The following SMPD3 variants were observed in gnomAD, a reference collection of about 807,000 sequenced individuals.
SMPD3 encodes nSMase-2.
Under a neutral mutation model 55.7 loss-of-function variants are expected in SMPD3, and 21 were observed. That is an observed-to-expected ratio of 0.38 (90% CI 0.27 to 0.54). The LOEUF (loss-of-function observed/expected upper bound fraction) is 0.54, where lower values mean the gene tolerates loss of function less well. Among genes scored for constraint, SMPD3 ranks in the 20% least tolerant of loss-of-function variants. The pLI is 0.80. For synonymous variants in SMPD3, 457 were observed against 404.3 expected (o/e 1.13, Z -1.56); for missense variants, 842 against 899.6 (o/e 0.94, Z 0.82).
intron 1 of SMPD3, among the ~76,000 whole-genome samples, chr16:68,444,986 A>C (rs2090599101): frequency 6.6e-6 from 1 of 152,270 alleles, no homozygotes; most frequent in Non-Finnish European, 1.5e-5. Context: ...CAGAGCTCTT[A>C]GGATTTTGTG....
intron 1 of SMPD3, among the ~76,000 whole-genome samples, chr16:68,400,260 C>T (rs1039021829): frequency 2.6e-5 from 4 of 152,162 alleles, no homozygotes; most frequent in African/African-American, 7.2e-5. Context: ...TGTGGAGGTG[C>T]TGGAAGCTGT....
chr16:68,436,171 G>T (rs2090521611), intron 1 of SMPD3, among the ~76,000 whole-genome samples: 1 of 152,172 alleles, frequency 6.6e-6, no homozygotes, highest in South Asian at 2.1e-4. Flanking sequence ...CACCAGATTA[G>T]GAAACTGAGG....
chr16:68,418,296 C>G (rs192723102), intron 1 of SMPD3, among the ~76,000 whole-genome samples: 1 of 150,564 alleles, frequency 6.6e-6, no homozygotes, highest in Non-Finnish European at 1.5e-5. Flanking sequence ...CAAATACCCA[C>G]AAGAGAAATG....
chr16:68,388,433 G>A (rs1220392592), intron 1 of SMPD3, among the ~76,000 whole-genome samples: 1 of 152,174 alleles, frequency 6.6e-6, no homozygotes, highest in Admixed American at 6.5e-5. Flanking sequence ...CCAGGCCACA[G>A]GCTCACAAGC....
intron 1 of SMPD3, among the ~76,000 whole-genome samples, chr16:68,390,614 T>C (rs979136418): frequency 2.0e-5 from 3 of 152,252 alleles, no homozygotes; most frequent in Non-Finnish European, 4.4e-5. Context: ...TGAGCTGTGA[T>C]GGCGCCACTG....
At chr16:68,438,385 G>A (rs2031068717) in intron 1 of SMPD3, among the ~76,000 whole-genome samples, 1 of 152,214 alleles carries the variant, frequency 6.6e-6, no homozygotes, top group Non-Finnish European at 1.5e-5. Context: ...ATGCTCAACT[G>A]TGGTGCTACC....
chr16:68,365,915 G>C (rs1283932983), intron 3 of SMPD3, among the ~76,000 whole-genome samples: 1 of 152,202 alleles, frequency 6.6e-6, no homozygotes, highest in African/African-American at 2.4e-5. Context: ...GCAAGATGGA[G>C]CCCTTGTCAG....
At position 68,447,510 on chromosome 16, in the gene SMPD3, G is replaced by C. The variant is rs1034248889; in HGVS notation, c.-269+843C>G. Among the ~76,000 whole-genome samples the C allele has an allele frequency of 6.6e-6, 1 of 152,104 alleles. No homozygotes were observed. Among genetic ancestry groups the C allele is most frequent in the Non-Finnish European group, 1.5e-5 (1 of 67,984 alleles). Reference sequence around the variant, plus strand: ...GGGAGATAAGGCCCAGGTGGGGAGAGGTGGGGAGGGGTCCCTCCTGTCCTC... The same window carrying C: ...GGGAGATAAGGCCCAGGTGGGGAGACGTGGGGAGGGGTCCCTCCTGTCCTC... On this transcript the variant is annotated intron_variant, in intron 1 of 8. Coordinates refer to ENST00000219334, the MANE Select transcript of SMPD3 (RefSeq NM_018667.4). The surrounding 1 kb of genome is among the most constrained non-coding windows in gnomAD (Gnocchi z 5.1).
At chr16:68,394,209 T>C (rs2090136249) in intron 1 of SMPD3, among the ~76,000 whole-genome samples, 1 of 152,194 alleles carries the variant, frequency 6.6e-6, no homozygotes, top group South Asian at 2.1e-4. Flanking sequence ...CATTCGTCTC[T>C]CTCTTCTAGG....
chr16:68,391,278 C>G (rs981066600), intron 1 of SMPD3, among the ~76,000 whole-genome samples: 1 of 152,212 alleles, frequency 6.6e-6, no homozygotes, highest in Admixed American at 6.5e-5. Context: ...ATCAACTTGA[C>G]TGTAGATACT....
intron 1 of SMPD3, among the ~76,000 whole-genome samples, chr16:68,424,596 G>T (rs767598520): frequency 2.0e-5 from 3 of 152,224 alleles, no homozygotes; most frequent in Non-Finnish European, 4.4e-5. Flanking sequence ...GATGAAATGG[G>T]AGAATCCACA....
Position 68,398,752 on chromosome 16 carries a change from T to C in SMPD3, c.-268-12093A>G, listed in dbSNP as rs984253011. Among the ~76,000 whole-genome samples, 26 of 152,360 alleles carry C rather than the reference T, an allele frequency of 1.7e-4. 1 individual carries two copies. Among genetic ancestry groups the C allele is most frequent in the Middle Eastern group, 6.8e-3 (2 of 294 alleles). On this transcript the variant is annotated intron_variant, in intron 1 of 8. Coordinates refer to ENST00000219334, the MANE Select transcript of SMPD3 (RefSeq NM_018667.4). Reference sequence around the variant, plus strand: ...AATAGAATCTCCATGTTCCCAAGTTTAGAAAGAAAAGCCACCTAGGAATGA... The same window carrying C: ...AATAGAATCTCCATGTTCCCAAGTTCAGAAAGAAAAGCCACCTAGGAATGA...
chr16:68,380,390 C>T (rs1447912750), intron 2 of SMPD3, among the ~76,000 whole-genome samples: 3 of 152,248 alleles, frequency 2.0e-5, no homozygotes, highest in African/African-American at 2.4e-5. Context: ...GCTCCGGGGC[C>T]GAACTGGAGC....
At position 68,359,858 on chromosome 16, in the gene SMPD3, TG is replaced by T; in HGVS notation, c.*1347del. On this transcript the variant is annotated 3_prime_UTR_variant, in exon 9 of 9. Transcript: ENST00000219334. ...CAGAGGCAGTGCTGCCGAAGGGGCCTGGGGGCTGTAGGCATCTTGGGGCTGG... is the reference window on the plus strand; with the variant it reads ...CAGAGGCAGTGCTGCCGAAGGGGCCTGGGGCTGTAGGCATCTTGGGGCTGG... The T allele has an allele frequency of 6.6e-6, 1 of 152,542 alleles. No individual in the cohort carries two copies. Among genetic ancestry groups the T allele is most frequent in the Non-Finnish European group, 1.5e-5 (1 of 68,284 alleles). The allele number at this position is 152,542 out of a possible 1,614,324, so 9.4% of individuals were successfully genotyped here.
At chr16:68,420,162 C>A (rs1157634784) in intron 1 of SMPD3, among the ~76,000 whole-genome samples, 1 of 151,986 alleles carries the variant, frequency 6.6e-6, no homozygotes, top group African/African-American at 2.4e-5. Context: ...AGGCTGGTAC[C>A]GAACTCCTGA....
chr16:68,401,646 C>T (rs1278174843), intron 1 of SMPD3, among the ~76,000 whole-genome samples: 1 of 152,066 alleles, frequency 6.6e-6, no homozygotes, highest in Non-Finnish European at 1.5e-5. Flanking sequence ...TAGCCTGGTT[C>T]CAGGAACTTC....
chr16:68,361,735 G>A lies in SMPD3; in HGVS notation c.1734C>T (p.Arg578=). The change falls in exon 8 of 9, where the codon CGC becomes CGT. Residue 578 remains arginine (R), a synonymous_variant. Coordinates refer to ENST00000219334, the MANE Select transcript of SMPD3 (RefSeq NM_018667.4). ...TGGTGGGAAACGCCAGGTACTCCCTGCGGCCCTCCTCACTCTCCAGGACCC... is the reference window on the plus strand; with the variant it reads ...TGGTGGGAAACGCCAGGTACTCCCTACGGCCCTCCTCACTCTCCAGGACCC... ...LQKVLESEEG[R]REYLAFPTSK... is the part of the protein sequence containing the mutation. 1 of 1,612,856 alleles carries A rather than the reference G, an allele frequency of 6.2e-7. No homozygotes were observed. Among genetic ancestry groups the A allele is most frequent in the East Asian group, 2.2e-5 (1 of 44,872 alleles).
In SMPD3 at chr16:68,431,202, G is replaced by A. The variant is rs577498989; in HGVS notation, c.-269+17151C>T. Among the ~76,000 whole-genome samples, 8 of 152,286 alleles carry A rather than the reference G, an allele frequency of 5.3e-5. No homozygotes were observed. In the South Asian group the frequency reaches 6.2e-4, roughly 12 times the overall value. On this transcript the variant is annotated intron_variant, in intron 1 of 8. Transcript: ENST00000219334. ...GTCTCACATAATAAAGGGGGCTGCC[G>A]ACTCCCAGGGAAGTGATGACATGCT...
chr16:68,431,984 G>A (rs1251812673), intron 1 of SMPD3, among the ~76,000 whole-genome samples: 2 of 151,786 alleles, frequency 1.3e-5, no homozygotes, highest in Non-Finnish European at 2.9e-5. Context: ...GTGTGGTGGT[G>A]CGGGCCTGTA....
Sources: allele counts gnomAD v4.1 joint callset (sites outside exome capture counted in the v4.1 genomes callset), GRCh38; gene constraint gnomAD v4.1.1; non-coding constraint Gnocchi (gnomAD v3.1); transcripts MANE v1.5; gene names NCBI Gene and HGNC (gene_info 2026-07-23, HGNC 2026-07-21).